Variants in TRAP1 observed in about 807,000 individuals in gnomAD.
The protein encoded by TRAP1 is heat shock protein 75 kDa, mitochondrial.
In TRAP1, 102 loss-of-function variants were observed where a neutral mutation model predicts 89.1. The ratio of observed to expected loss-of-function variants is 1.15; its 90% CI spans 0.98 to 1.35. The LOEUF (loss-of-function observed/expected upper bound fraction) is 1.35, where lower values mean the gene tolerates loss of function less well. Ranked by LOEUF, TRAP1 falls within the 40% of genes most tolerant of loss-of-function variation. The probability of loss-of-function intolerance (pLI) is 0.00; values close to 1 mark genes in which losing one functional copy is unlikely to be tolerated. For synonymous variants in TRAP1, 508 were observed against 388.0 expected (o/e 1.31, Z -3.64); for missense variants, 1,256 against 945.3 (o/e 1.33, Z -4.31).
chr16:3,680,677 C>T (rs914835668), intron 4 of TRAP1, among the ~76,000 whole-genome samples: 21 of 152,232 alleles, frequency 1.4e-4, no homozygotes, highest in African/African-American at 4.8e-4. Flanking sequence ...TCACCCAAAT[C>T]CATATATTAA....
intron 1 of TRAP1, among the ~76,000 whole-genome samples, chr16:3,709,673 G>A (rs543897120): frequency 6.6e-6 from 1 of 151,980 alleles, no homozygotes; most frequent in Non-Finnish European, 1.5e-5. Flanking sequence ...TGTGTGAGAC[G>A]GAGTTTTCGC....
intron 16 of TRAP1, chr16:3,659,754 T>TAGACAGATAGAC (rs56388830): frequency 1.7e-5 from 1 of 59,162 alleles, no homozygotes; most frequent in Non-Finnish European, 2.9e-5. Context: ...TTTTTTTAGA[T>TAGACAGATAGAC]AGATAGATAG....
chr16:3,706,783 C>T (rs1046822421), intron 1 of TRAP1, among the ~76,000 whole-genome samples: 19 of 152,024 alleles, frequency 1.2e-4, no homozygotes, highest in African/African-American at 3.9e-4. Context: ...TCTGATGGAC[C>T]TTCAGATTGT....
In TRAP1 at chr16:3,663,439, C is replaced by G; in HGVS notation, c.1693G>C (p.Glu565Gln). 1.2e-6 allele frequency: 2 copies of G among 1,614,172 alleles called. No homozygotes were observed. The highest frequency in any genetic ancestry group is 1.7e-6 in the Non-Finnish European group (2 of 1,180,020). ...GGATGCCGACCTGGGGACCTGTCCT[C>G]AAACTTCTCCTCCTTGTAGTGATCC... ...VVDHYKEEKF[E>Q]DRSPAAECLS... The change falls in exon 14 of 18, where the codon GAG (glutamate) becomes CAG (glutamine). Residue 565 changes from glutamate (E) to glutamine (Q), a missense_variant. By Grantham distance (29) the Glu-to-Gln change is conservative (BLOSUM62 2). Transcript: ENST00000246957.
At chr16:3,679,928 C>A in intron 4 of TRAP1, 138 bp from the exon 5 acceptor site, 2 of 741,936 alleles carry the variant, frequency 2.7e-6, no homozygotes, top group South Asian at 1.5e-5. Context: ...AGATGCTCAT[C>A]AGAAAAGACT....
chr16:3,664,066 AAAACAAAAAAC>A, intron 13 of TRAP1, 197 bp downstream of exon 13: 1 of 555,904 alleles, frequency 1.8e-6, no homozygotes, highest in South Asian at 2.8e-5. Flanking sequence ...CCATCTCAAA[AAAACAAAAAAC>A]AAACAAAAAA....
chr16:3,699,446 G>C (rs2051335012), intron 1 of TRAP1, among the ~76,000 whole-genome samples: 3 of 151,010 alleles, frequency 2.0e-5, no homozygotes, highest in African/African-American at 7.3e-5. Flanking sequence ...AGACCAGCGT[G>C]ACCAACAGGG....
At chr16:3,705,993 CT>C (rs1027983602) in intron 1 of TRAP1, among the ~76,000 whole-genome samples, 2 of 149,010 alleles carry the variant, frequency 1.3e-5, no homozygotes, top group East Asian at 1.9e-4. Flanking sequence ...AGTCCCGGCC[CT>C]TTTTTTCTTT....
At chr16:3,698,527 C>T (rs1359522459) in intron 1 of TRAP1, among the ~76,000 whole-genome samples, 4 of 152,118 alleles carry the variant, frequency 2.6e-5, no homozygotes, top group African/African-American at 9.6e-5. Flanking sequence ...TGGTCTTGAT[C>T]TCCTGACCTC....
At chr16:3,709,946 G>A (rs1231483274) in intron 1 of TRAP1, among the ~76,000 whole-genome samples, 1 of 152,148 alleles carries the variant, frequency 6.6e-6, no homozygotes, top group Non-Finnish European at 1.5e-5. Flanking sequence ...CACCGCGCCT[G>A]GCGAGAAGAT....
intron 1 of TRAP1, among the ~76,000 whole-genome samples, chr16:3,704,708 C>T (rs754636596): frequency 2.6e-4 from 40 of 151,898 alleles, no homozygotes; most frequent in Non-Finnish European, 3.2e-4. Flanking sequence ...TAAACACACA[C>T]AAAAAAAGGT....
rs113792468 is a variant in TRAP1 at position 3,658,238 on chromosome 16, G to A, written c.2014-8C>T. 28 of 1,611,454 alleles carry A rather than the reference G, an allele frequency of 1.7e-5. No individual in the cohort carries two copies. The South Asian group carries it at 1.9e-4, about 11-fold the overall frequency. On this transcript the variant is annotated splice_region_variant and splice_polypyrimidine_tract_variant and intron_variant, in intron 17 of 17. Coordinates refer to ENST00000246957, the MANE Select transcript of TRAP1 (RefSeq NM_016292.3). The stretch of plus-strand genomic sequence containing the variant: ...CATGGCGTTCTCGTATATCTGAAAG[G>A]CAAGAGGAGAAACCCATTATGAGGG...
At chr16:3,711,874 A>C in intron 1 of TRAP1, among the ~76,000 whole-genome samples, 1 of 152,208 alleles carries the variant, frequency 6.6e-6, no homozygotes, top group Non-Finnish European at 1.5e-5. Flanking sequence ...GTGGTAAGAA[A>C]AGTTCTAGCT....
intron 4 of TRAP1, 84 bp downstream of exon 4, chr16:3,685,912 G>A (rs1402371252): frequency 2.7e-6 from 4 of 1,504,014 alleles, no homozygotes; most frequent in South Asian, 1.3e-5. Flanking sequence ...GTACGTCCCT[G>A]GGACCCGAGA....
At chr16:3,705,312 G>A (rs1280948897) in intron 1 of TRAP1, among the ~76,000 whole-genome samples, 2 of 151,868 alleles carry the variant, frequency 1.3e-5, no homozygotes, top group African/African-American at 2.4e-5. Flanking sequence ...CTCGTGATCC[G>A]CCCGCATCGG....
intron 1 of TRAP1, among the ~76,000 whole-genome samples, chr16:3,692,103 T>C (rs1329884516): frequency 2.6e-5 from 4 of 152,208 alleles, no homozygotes; most frequent in African/African-American, 7.2e-5. Flanking sequence ...GTCAAGGATA[T>C]GTGGCCAGCC....
chr16:3,682,298 C>G lies in TRAP1; in HGVS notation c.472-2508G>C, dbSNP rs184610651. Among the ~76,000 whole-genome samples the G allele has an allele frequency of 3.8e-3, 581 of 152,016 alleles. 3 individuals are homozygous for G. The highest frequency in any genetic ancestry group is 0.013 in the African/African-American group (553 of 41,440). On this transcript the variant is annotated intron_variant, in intron 4 of 17. Coordinates refer to ENST00000246957, the MANE Select transcript of TRAP1 (RefSeq NM_016292.3). The stretch of plus-strand genomic sequence containing the variant: ...GGACACAACAGCTCACATCTGTAAT[C>G]CCAGCACTTTGGAAGGTCAAGGTGG...
chr16:3,675,128 G>C (rs1457223152), intron 8 of TRAP1, among the ~76,000 whole-genome samples, 196 bp downstream of exon 8: 7 of 152,172 alleles, frequency 4.6e-5, no homozygotes, highest in Non-Finnish European at 8.8e-5. Context: ...CCTGACCCCG[G>C]CTGCCCGGTG....
Position 3,710,438 on chromosome 16 carries a change from A to G in TRAP1, c.88+6983T>C, listed in dbSNP as rs902520306. 7 of 152,344 alleles carry G rather than the reference A, an allele frequency of 4.6e-5. No individual in the cohort carries two copies. In the East Asian group the frequency reaches 1.3e-3, roughly 29 times the overall value. The allele number at this position is 152,344 out of a possible 1,614,324, so 9.4% of individuals were successfully genotyped here. On this transcript the variant is annotated intron_variant, in intron 1 of 17. Coordinates refer to ENST00000246957, the MANE Select transcript of TRAP1 (RefSeq NM_016292.3). ...TAGACGAAGGATTCTTCACATTTCA[A>G]TGGCCCTACGGGAGCCTACATATTA...
Sources: allele counts gnomAD v4.1 joint callset (sites outside exome capture counted in the v4.1 genomes callset), GRCh38; gene constraint gnomAD v4.1.1; transcripts MANE v1.5; gene names NCBI Gene and HGNC (gene_info 2026-07-23, HGNC 2026-07-21).